The following SLC44A5 variants were observed in gnomAD, a reference collection of about 807,000 sequenced individuals.
SLC44A5 encodes the protein choline transporter-like protein 5.
In SLC44A5, 57 loss-of-function variants were observed where a neutral mutation model predicts 101.8. The observed-to-expected ratio is 0.56, with a 90% CI of 0.45 to 0.70. The LOEUF (loss-of-function observed/expected upper bound fraction) is 0.70, where lower values mean the gene tolerates loss of function less well. SLC44A5 is among the 30% of genes least tolerant of loss of function. The pLI is 0.00. For synonymous variants in SLC44A5, 281 were observed against 290.9 expected (o/e 0.97, Z 0.35); for missense variants, 737 against 853.1 (o/e 0.86, Z 1.70).
rs781146858 is a variant in SLC44A5 at position 75,214,689 on chromosome 1, C to G, written c.1729-11G>C. The G allele has an allele frequency of 1.2e-6, 2 of 1,608,338 alleles. No individual in the cohort carries two copies. The highest frequency in any genetic ancestry group is 2.2e-5 in the South Asian group (2 of 90,120). ...GCCATATATTGCAATCTGAGGAAGA[C>G]AGTGGCTATTATTCTGGAGCCAGTA... On this transcript the variant is annotated splice_polypyrimidine_tract_variant and intron_variant, in intron 19 of 23. Coordinates refer to ENST00000370859, the MANE Select transcript of SLC44A5 (RefSeq NM_001130058.2).
chr1:75,274,939 C>CA lies in SLC44A5; in HGVS notation c.260+18dup. 1 of 1,598,992 alleles carries CA rather than the reference C, an allele frequency of 6.3e-7. No homozygotes were observed. The highest frequency in any genetic ancestry group is 1.1e-5 in the South Asian group (1 of 89,842). On this transcript the variant is annotated intron_variant, in intron 6 of 23. Transcript: ENST00000370859. The stretch of plus-strand genomic sequence containing the variant: ...GTTTAGACAGTAAAATCACACAAAG[C>CA]AAAGGTGGCCATACTCACTCATTGG...
upstream of SLC44A5, among the ~76,000 whole-genome samples, chr1:75,615,432 T>TACAC (rs776361396): frequency 0.051 from 3,882 of 76,330 alleles, 63 homozygotes; most frequent in African/African-American, 0.065. Flanking sequence ...CACACACACA[T>TACAC]ACATACACAC....
chr1:75,413,716 T>TA (rs1174773629), intron 2 of SLC44A5, among the ~76,000 whole-genome samples: 3 of 152,184 alleles, frequency 2.0e-5, no homozygotes, highest in Non-Finnish European at 4.4e-5. Flanking sequence ...ATAGATCTGT[T>TA]ATCCACAAAT....
chr1:75,626,594 CT>C, the SLC44A5 span, among the ~76,000 whole-genome samples: 2 of 152,114 alleles, frequency 1.3e-5, no homozygotes, highest in African/African-American at 4.8e-5. Context: ...TATTTGCTTT[CT>C]TTTCCATGTA....
chr1:75,627,364 G>C, the SLC44A5 span, among the ~76,000 whole-genome samples: 2 of 151,990 alleles, frequency 1.3e-5, no homozygotes, highest in Admixed American at 1.3e-4. Context: ...TCAGATTAGG[G>C]AGCCCCTGAA....
intron 4 of SLC44A5, among the ~76,000 whole-genome samples, chr1:75,325,748 G>A (rs1656536623): frequency 1.1e-5 from 1 of 93,164 alleles, no homozygotes; most frequent in African/African-American, 4.6e-5. Flanking sequence ...TGAGGGTCGT[G>A]TGCATGCATG....
chr1:75,570,924 C>A (rs749693238), intron 1 of SLC44A5, among the ~76,000 whole-genome samples: 9 of 152,158 alleles, frequency 5.9e-5, no homozygotes, highest in Non-Finnish European at 1.2e-4. Context: ...AGTCATGAAG[C>A]AAAAGGCAGA....
intron 2 of SLC44A5, among the ~76,000 whole-genome samples, chr1:75,435,773 A>T (rs1272822687): frequency 5.9e-5 from 9 of 152,188 alleles, no homozygotes. Flanking sequence ...AAAGATCATC[A>T]GCAATGTTAT....
At chr1:75,397,412 T>C (rs1289782518) in intron 2 of SLC44A5, among the ~76,000 whole-genome samples, 1 of 152,174 alleles carries the variant, frequency 6.6e-6, no homozygotes, top group Non-Finnish European at 1.5e-5. Context: ...GAGATTACAA[T>C]GCTTGGTTTC....
chr1:75,402,661 T>C (rs753714605), intron 2 of SLC44A5, among the ~76,000 whole-genome samples: 17 of 152,046 alleles, frequency 1.1e-4, no homozygotes, highest in Non-Finnish European at 2.5e-4. Flanking sequence ...CTGGCCCAGA[T>C]ACTACACTTT....
At chr1:75,310,543 C>T (rs572774400) in intron 4 of SLC44A5, among the ~76,000 whole-genome samples, 98 of 152,056 alleles carry the variant, frequency 6.4e-4, no homozygotes, top group Non-Finnish European at 4.1e-4. Context: ...TCTCTACTAG[C>T]GGACACAAGA....
At chr1:75,496,132 C>T (rs1668659218) in intron 2 of SLC44A5, among the ~76,000 whole-genome samples, 2 of 151,896 alleles carry the variant, frequency 1.3e-5, no homozygotes, top group South Asian at 4.1e-4. Context: ...CCACAAACAA[C>T]CCCAAATAGC....
At chr1:75,547,591 C>T (rs1431788652) in intron 1 of SLC44A5, among the ~76,000 whole-genome samples, 2 of 152,164 alleles carry the variant, frequency 1.3e-5, no homozygotes, top group East Asian at 3.8e-4. Flanking sequence ...ATGCTCAAGA[C>T]ATTTTGCTTT....
intron 1 of SLC44A5, among the ~76,000 whole-genome samples, chr1:75,590,165 T>C (rs1674268298): frequency 6.6e-6 from 1 of 151,762 alleles, no homozygotes; most frequent in Non-Finnish European, 1.5e-5. Context: ...AAGAGACCCC[T>C]TCCTTCTGCT....
intron 5 of SLC44A5, among the ~76,000 whole-genome samples, chr1:75,297,655 T>C (rs1654069346): frequency 6.6e-6 from 1 of 152,226 alleles, no homozygotes. Flanking sequence ...GCAATAAGTA[T>C]AGGAAAGAAT....
At chr1:75,548,075 A>G (rs1311202471) in intron 1 of SLC44A5, among the ~76,000 whole-genome samples, 1 of 152,080 alleles carries the variant, frequency 6.6e-6, no homozygotes, top group African/African-American at 2.4e-5. Flanking sequence ...TTCCACATAA[A>G]AATTTATTTT....
intron 5 of SLC44A5, among the ~76,000 whole-genome samples, chr1:75,299,920 A>G (rs1465900012): frequency 2.0e-5 from 3 of 150,426 alleles, no homozygotes; most frequent in Admixed American, 6.6e-5. Context: ...GGAGGCTGAG[A>G]CAGGAGAATC....
intron 6 of SLC44A5, among the ~76,000 whole-genome samples, chr1:75,265,610 A>G (rs746613185): frequency 7.9e-5 from 12 of 152,220 alleles, no homozygotes; most frequent in Non-Finnish European, 1.5e-4. Flanking sequence ...TTAGGTGATG[A>G]ATACACTAAA....
chr1:75,440,845 CAAAGA>C (rs1474996763), intron 2 of SLC44A5, among the ~76,000 whole-genome samples: 1 of 151,674 alleles, frequency 6.6e-6, no homozygotes, highest in African/African-American at 2.4e-5. Flanking sequence ...TTTCAGAAAG[CAAAGA>C]AATCATCTCT....
Sources: gnomAD v4.1 joint callset for allele counts (sites outside exome capture counted in the v4.1 genomes callset) on GRCh38, gnomAD v4.1.1 for gene constraint, MANE v1.5 for transcripts, NCBI Gene and HGNC (gene_info 2026-07-23, HGNC 2026-07-21) for gene names.